EPB41L5: variants seen among roughly 807,000 people sequenced by gnomAD.
EPB41L5 encodes erythrocyte membrane protein band 4.1 like 5, also known as band 4.1-like protein 5.
In EPB41L5, 55 loss-of-function variants were observed where a neutral mutation model predicts 106.6. The ratio of observed to expected loss-of-function variants is 0.52; its 90% confidence interval spans 0.42 to 0.65. The LOEUF (loss-of-function observed/expected upper bound fraction) is 0.65, where lower values mean the gene tolerates loss of function less well. Among genes scored for constraint, EPB41L5 ranks in the 30% least tolerant of loss-of-function variants. The probability of loss-of-function intolerance (pLI) is 0.00; values close to 1 mark genes in which losing one functional copy is unlikely to be tolerated. For missense variants in EPB41L5, 871 were observed against 882.1 expected (o/e 0.99, Z 0.16); for synonymous variants, 297 against 306.7 (o/e 0.97, Z 0.33).
At chr2:120,115,282 C>G (rs1684896094) in intron 16 of EPB41L5, among the ~76,000 whole-genome samples, 1 of 152,274 alleles carries the variant, frequency 6.6e-6, no homozygotes, top group Non-Finnish European at 1.5e-5. Context: ...AGGACTTATG[C>G]TGTTTCATTT....
intron 20 of EPB41L5, among the ~76,000 whole-genome samples, chr2:120,148,872 C>A (rs1279198685): frequency 1.3e-5 from 2 of 151,966 alleles, no homozygotes. Flanking sequence ...TTAGTATATA[C>A]CTAGGAGTAA....
In EPB41L5 at chr2:120,014,743, G is replaced by T. The variant is rs186192630; in HGVS notation, c.-9+1533G>T. 1.3e-3 allele frequency among the ~76,000 whole-genome samples: 194 copies of T among 152,104 alleles called. No individual in the cohort carries two copies. In the Middle Eastern group the frequency reaches 0.014, roughly 11 times the overall value. Reference sequence around the variant, plus strand: ...TGGTCCAGAATTAAAAAGACTCTCCGGCCGAGCAGCAAGAGTACAAGAGCA... The same window carrying T: ...TGGTCCAGAATTAAAAAGACTCTCCTGCCGAGCAGCAAGAGTACAAGAGCA... On this transcript the variant is annotated intron_variant, in intron 1 of 24. Transcript: ENST00000263713.
At chr2:120,035,381 G>A (rs1678982760) in intron 2 of EPB41L5, among the ~76,000 whole-genome samples, 1 of 152,222 alleles carries the variant, frequency 6.6e-6, no homozygotes, top group South Asian at 2.1e-4. Context: ...TTGTAGGCAT[G>A]AGCCACCATG....
At chr2:120,079,984 A>G (rs1414715373) in intron 10 of EPB41L5, among the ~76,000 whole-genome samples, 3 of 152,058 alleles carry the variant, frequency 2.0e-5, no homozygotes, top group African/African-American at 7.2e-5. Flanking sequence ...AAGAAAAGTA[A>G]TTTGTTTGAA....
At chr2:120,085,859 T>C (rs1380457439) in intron 10 of EPB41L5, among the ~76,000 whole-genome samples, 1 of 152,162 alleles carries the variant, frequency 6.6e-6, no homozygotes, top group Non-Finnish European at 1.5e-5. Context: ...GAAAGCTCCT[T>C]TTCTGCCTTT....
At chr2:120,029,191 G>A (rs1678539255) in intron 2 of EPB41L5, among the ~76,000 whole-genome samples, 1 of 152,038 alleles carries the variant, frequency 6.6e-6, no homozygotes, top group East Asian at 1.9e-4. Context: ...CTGAGATGGA[G>A]TCTCACTCTG....
chr2:120,021,926 A>G (rs1391380487), intron 2 of EPB41L5, among the ~76,000 whole-genome samples: 1 of 152,238 alleles, frequency 6.6e-6, no homozygotes, highest in Non-Finnish European at 1.5e-5. Context: ...ATAAGGGTCT[A>G]GGATAAGGGT....
intron 2 of EPB41L5, among the ~76,000 whole-genome samples, chr2:120,025,718 T>A (rs1486815631): frequency 6.6e-6 from 1 of 152,212 alleles, no homozygotes; most frequent in Admixed American, 6.5e-5. Flanking sequence ...CACCTCAAAT[T>A]GATTGATGCA....
At chr2:120,039,550 G>A (rs1201609543) in intron 2 of EPB41L5, among the ~76,000 whole-genome samples, 1 of 152,128 alleles carries the variant, frequency 6.6e-6, no homozygotes. Flanking sequence ...TTGTGGCCAG[G>A]CGTGGTGGCT....
intron 20 of EPB41L5, among the ~76,000 whole-genome samples, chr2:120,151,640 G>T (rs1330466606): frequency 7.3e-6 from 1 of 137,524 alleles, no homozygotes; most frequent in Non-Finnish European, 1.5e-5. Context: ...TTTAAAGACG[G>T]AGTCTTGCTC....
At chr2:120,117,855 T>TC (rs745490465) in intron 16 of EPB41L5, among the ~76,000 whole-genome samples, 12 of 152,080 alleles carry the variant, frequency 7.9e-5, no homozygotes, top group Non-Finnish European at 1.3e-4. Flanking sequence ...CCCTGCCCCC[T>TC]CCCCATTTTT....
chr2:120,147,401 G>A (rs1320340760), intron 20 of EPB41L5, among the ~76,000 whole-genome samples: 1 of 152,004 alleles, frequency 6.6e-6, no homozygotes, highest in Non-Finnish European at 1.5e-5. Flanking sequence ...CCAGCACTTT[G>A]GATCGCCTGA....
intron 10 of EPB41L5, among the ~76,000 whole-genome samples, chr2:120,084,476 G>A (rs1056161841): frequency 1.3e-5 from 2 of 152,202 alleles, no homozygotes; most frequent in Non-Finnish European, 2.9e-5. Context: ...GGCTTGTAGA[G>A]TTTCTGCCGA....
chr2:120,052,789 G>T (rs1680374890), intron 3 of EPB41L5, among the ~76,000 whole-genome samples: 1 of 152,154 alleles, frequency 6.6e-6, no homozygotes, highest in Non-Finnish European at 1.5e-5. Context: ...ACCAGATTTA[G>T]GGAATATGTG....
At chr2:120,069,128 CAAA>C (rs539813602) in intron 3 of EPB41L5, among the ~76,000 whole-genome samples, 2 of 79,552 alleles carry the variant, frequency 2.5e-5, no homozygotes. Context: ...AACTCTGTCT[CAAA>C]AAAAAAAAAA....
At chr2:120,135,919 G>A (rs901561674) in intron 18 of EPB41L5, among the ~76,000 whole-genome samples, 2 of 151,942 alleles carry the variant, frequency 1.3e-5, no homozygotes, top group African/African-American at 4.8e-5. Flanking sequence ...CACTGGTAAT[G>A]GTATGTACAC....
At chr2:120,017,100 A>G (rs1159496016) in intron 1 of EPB41L5, among the ~76,000 whole-genome samples, 1 of 152,210 alleles carries the variant, frequency 6.6e-6, no homozygotes, top group Non-Finnish European at 1.5e-5. Context: ...AATCTAGTTG[A>G]AAAAGTCATT....
intron 2 of EPB41L5, among the ~76,000 whole-genome samples, chr2:120,029,445 C>T (rs1220034204): frequency 1.3e-5 from 2 of 152,154 alleles, no homozygotes; most frequent in African/African-American, 4.8e-5. Flanking sequence ...ATTCACCTGC[C>T]TCAACCTCCC....
At chr2:120,125,097 T>A (rs1030306080) in intron 16 of EPB41L5, among the ~76,000 whole-genome samples, 2 of 152,236 alleles carry the variant, frequency 1.3e-5, no homozygotes, top group Non-Finnish European at 2.9e-5. Flanking sequence ...ATGTTCTAAT[T>A]CTGTCATTTC....
Sources: gnomAD v4.1 joint callset for allele counts (sites outside exome capture counted in the v4.1 genomes callset) on GRCh38, gnomAD v4.1.1 for gene constraint, MANE v1.5 for transcripts, NCBI Gene and HGNC (gene_info 2026-07-23, HGNC 2026-07-21) for gene names.